SNX11: variants seen among roughly 807,000 people sequenced by gnomAD.
The protein encoded by SNX11 is sorting nexin 11.
In SNX11, 19 loss-of-function variants were observed where a neutral mutation model predicts 30.7. The observed-to-expected ratio is 0.62, with a 90% CI of 0.43 to 0.91. The LOEUF is 0.91. Ranked by LOEUF, SNX11 falls within the 40% of genes least tolerant of loss-of-function variation. SNX11 has a pLI of 0.00. For missense variants in SNX11, 302 were observed against 326.7 expected, an observed-to-expected ratio of 0.92 and a Z score of 0.58; for synonymous variants, 112 against 119.0, an observed-to-expected ratio of 0.94 and a Z score of 0.38.
rs751867446 is a variant in SNX11, at chr17:48,118,790, TC to T, written c.319del (p.Glu108LysfsTer28). ...IEKRRQGLQHFLEKVLQSVVL... is the reference protein window; with the variant it reads ...IEKRRQGLQHXLEKVLQSVVL... Reference sequence around the variant, plus strand: ...AAGCGACGACAAGGTCTGCAGCACTTCCTTGAAAAGTGAGTGGACAGAACGG... The same window carrying T: ...AAGCGACGACAAGGTCTGCAGCACTTCTTGAAAAGTGAGTGGACAGAACGG... On this transcript the variant is annotated frameshift_variant, in exon 5 of 7. Coordinates refer to ENST00000359238, the MANE Select transcript of SNX11 (RefSeq NM_013323.3). LOFTEE classifies it high-confidence loss of function. 6.2e-7 allele frequency: 1 copy of T among 1,613,804 alleles called. No homozygotes were observed. The highest frequency in any genetic ancestry group is 8.5e-7 in the Non-Finnish European group (1 of 1,179,768).
rs1353905872 is a variant in SNX11 at position 48,123,507 on chromosome 17, G to T, written c.*1999G>T. Among the ~76,000 whole-genome samples, 1 of 152,076 alleles carries T rather than the reference G, an allele frequency of 6.6e-6. No homozygotes were observed. Among genetic ancestry groups the T allele is most frequent in the African/African-American group, 2.4e-5 (1 of 41,404 alleles). Reference sequence around the variant, plus strand: ...GCTCAGCAGCTAGTTCTGCCAGCCGGCTAGGCTGCTGGGACAGCAGGAGCC... The same window carrying T: ...GCTCAGCAGCTAGTTCTGCCAGCCGTCTAGGCTGCTGGGACAGCAGGAGCC... On this transcript the variant is annotated 3_prime_UTR_variant, in exon 7 of 7. Transcript: ENST00000359238.
chr17:48,117,278 G>A (rs1374480191), intron 4 of SNX11, among the ~76,000 whole-genome samples: 1 of 142,476 alleles, frequency 7.0e-6, no homozygotes, highest in African/African-American at 2.6e-5. Context: ...TTTTGAGACA[G>A]AGTTTCACTC....
chr17:48,108,136 C>T (rs1027058630), intron 1 of SNX11, among the ~76,000 whole-genome samples: 51 of 152,172 alleles, frequency 3.4e-4, no homozygotes, highest in African/African-American at 1.2e-3. Context: ...AAAGAGTGGC[C>T]GTAGTAAAAG....
intron 1 of SNX11, among the ~76,000 whole-genome samples, chr17:48,110,081 T>G (rs1373167553): frequency 6.6e-6 from 1 of 152,308 alleles, no homozygotes; most frequent in Non-Finnish European, 1.5e-5. Flanking sequence ...TATTTAACTC[T>G]CTGCTCCTGT....
intron 1 of SNX11, among the ~76,000 whole-genome samples, chr17:48,109,137 T>C (rs2144498171): frequency 6.6e-6 from 1 of 150,908 alleles, no homozygotes; most frequent in East Asian, 2.0e-4. Context: ...TTTGCCTTGT[T>C]GGCCAGGCTG....
intron 1 of SNX11, among the ~76,000 whole-genome samples, chr17:48,109,617 G>A (rs932563263): frequency 7.9e-5 from 11 of 139,050 alleles, no homozygotes; most frequent in African/African-American, 2.7e-4. Flanking sequence ...TTGCACTGTC[G>A]CCTGGGCTGG....
chr17:48,121,319 T>C lies in SNX11; in HGVS notation c.624T>C (p.Ala208=), dbSNP rs754964944. 13 of 1,614,056 alleles carry C rather than the reference T, an allele frequency of 8.1e-6. No homozygotes were observed. The highest frequency in any genetic ancestry group is 1.7e-5 in the Admixed American group (1 of 59,994). Residue 208 remains alanine, a synonymous_variant, in exon 7 of 7, where the codon GCT becomes GCC. Coordinates refer to ENST00000359238, the MANE Select transcript of SNX11 (RefSeq NM_013323.3). ...AAAAGGACCATTTAGAAGTGTGGGC[T>C]CCAGTTGTTGACTCTGAGGTTCCTT... The part of the protein sequence containing the change: ...SEEKDHLEVW[A]PVVDSEVPSL...
intron 1 of SNX11, among the ~76,000 whole-genome samples, chr17:48,108,567 A>G (rs949917788): frequency 2.6e-5 from 4 of 152,240 alleles, no homozygotes; most frequent in African/African-American, 9.6e-5. Flanking sequence ...TTGTTACTAT[A>G]TTAGAAAGCT....
intron 1 of SNX11, among the ~76,000 whole-genome samples, chr17:48,108,348 C>T (rs1457268733): frequency 1.3e-5 from 2 of 152,198 alleles, no homozygotes; most frequent in Non-Finnish European, 2.9e-5. Context: ...CTGGGAGCTT[C>T]CTCTGTTTAG....
At chr17:48,112,107 A>G (rs1357372731) in intron 2 of SNX11, 22 bp downstream of exon 2, 6 of 1,611,086 alleles carry the variant, frequency 3.7e-6, no homozygotes, top group Non-Finnish European at 5.1e-6. Flanking sequence ...GTCTGCAGAG[A>G]ACAGGTGGGT....
intron 4 of SNX11, 63 bp downstream of exon 4, chr17:48,113,464 C>T: frequency 9.5e-7 from 1 of 1,056,032 alleles, no homozygotes; most frequent in Non-Finnish European, 1.5e-6. Flanking sequence ...TATGTAGGAA[C>T]TGGAGTTGAC....
intron 1 of SNX11, 102 bp from the exon 2 acceptor site, chr17:48,111,929 C>T: frequency 3.4e-6 from 3 of 871,336 alleles, no homozygotes; most frequent in Non-Finnish European, 3.7e-6. Context: ...GCCTGGGTTT[C>T]CCCACGGGGG....
At chr17:48,111,716 A>T (rs1281707241) in intron 1 of SNX11, among the ~76,000 whole-genome samples, 1 of 151,506 alleles carries the variant, frequency 6.6e-6, no homozygotes, top group South Asian at 2.1e-4. Flanking sequence ...TCTTCAAGGC[A>T]AAAGTTTTAC....
chr17:48,116,888 G>C (rs2063551089), intron 4 of SNX11, among the ~76,000 whole-genome samples: 1 of 144,644 alleles, frequency 6.9e-6, no homozygotes. Flanking sequence ...TTGAGATGGA[G>C]TCTTGCTCCT....
chr17:48,112,207 G>A (rs780744200), intron 2 of SNX11, 122 bp downstream of exon 2: 1 of 917,706 alleles, frequency 1.1e-6, no homozygotes, highest in Non-Finnish European at 1.8e-6. Context: ...TGGTTCTGAT[G>A]AGCTCAGAAT....
intron 4 of SNX11, among the ~76,000 whole-genome samples, chr17:48,117,743 A>G (rs1269017855): frequency 6.6e-6 from 1 of 152,050 alleles, no homozygotes; most frequent in East Asian, 1.9e-4. Context: ...TGGCTCACAC[A>G]TGTAATTCCA....
chr17:48,110,350 G>A (rs1266048587), intron 1 of SNX11, among the ~76,000 whole-genome samples: 2 of 152,134 alleles, frequency 1.3e-5, no homozygotes, highest in African/African-American at 2.4e-5. Flanking sequence ...AAAACCTTAG[G>A]TTTGCTCAAT....
At chr17:48,109,583 GT>G (rs11397962) in intron 1 of SNX11, among the ~76,000 whole-genome samples, 35 of 142,044 alleles carry the variant, frequency 2.5e-4, no homozygotes, top group Non-Finnish European at 2.5e-4. Context: ...TGTTTTTTGT[GT>G]TTTTTTTTTT....
At position 48,121,221 on chromosome 17, in the gene SNX11, C is replaced by T. The variant is rs1376301289; in HGVS notation, c.540-14C>T. The T allele has an allele frequency of 1.9e-6, 3 of 1,613,428 alleles. No homozygotes were observed. Among genetic ancestry groups the T allele is most frequent in the Non-Finnish European group, 2.5e-6 (3 of 1,179,698 alleles). On this transcript the variant is annotated splice_polypyrimidine_tract_variant and intron_variant, in intron 6 of 6. Transcript: ENST00000359238. Reference sequence around the variant, plus strand: ...TGTTCATACCTTTCTTTTCCCTTTCCCACTCTTTTCCAGTTGCTGCTTTCT... The same window carrying T: ...TGTTCATACCTTTCTTTTCCCTTTCTCACTCTTTTCCAGTTGCTGCTTTCT...
Sources: allele counts gnomAD v4.1 joint callset (sites outside exome capture counted in the v4.1 genomes callset), GRCh38; gene constraint gnomAD v4.1.1; transcripts MANE v1.5; gene names NCBI Gene and HGNC (gene_info 2026-07-23, HGNC 2026-07-21).